RTN4RL2: variants seen among roughly 807,000 people sequenced by gnomAD.
RTN4RL2 encodes reticulon 4 receptor like 2.
A neutral mutation model predicts 27.8 loss-of-function variants in RTN4RL2; 9 were observed. The ratio of observed to expected loss-of-function variants is 0.32; its 90% confidence interval spans 0.20 to 0.57. RTN4RL2 has a LOEUF of 0.57. Among genes scored for constraint, RTN4RL2 ranks in the 20% least tolerant of loss-of-function variants. The pLI is 0.90. For missense variants in RTN4RL2, 436 were observed against 596.8 expected, an observed-to-expected ratio of 0.73 and a Z score of 2.81; for synonymous variants, 285 against 297.9, an observed-to-expected ratio of 0.96 and a Z score of 0.45.
intron 2 of RTN4RL2, among the ~76,000 whole-genome samples, chr11:57,471,118 C>T (rs1054394253): frequency 6.6e-6 from 1 of 152,008 alleles, no homozygotes; most frequent in African/African-American, 2.4e-5. Context: ...TGTCTGTAAT[C>T]CCAGCCACTA....
At position 57,467,914 on chromosome 11, in the gene RTN4RL2, C is replaced by A. The variant is rs1449791051; in HGVS notation, c.337C>A (p.Leu113Ile). 1.2e-6 allele frequency: 2 copies of A among 1,613,984 alleles called. No homozygotes were observed. Among genetic ancestry groups the A allele is most frequent in the Non-Finnish European group, 1.7e-6 (2 of 1,179,948 alleles). Residue 113 changes from leucine to isoleucine, a missense_variant, in exon 2 of 3, where the codon CTC (leucine) becomes ATC (isoleucine). This residue lies in a region of RTN4RL2 where 365 missense variants were observed against 530.5 expected (regional missense o/e 0.69). Transcript: ENST00000335099. This position sits in a 1 kb window ranked among gnomAD's most constrained non-coding sequence, Gnocchi z 5.5. ...CTTGCAAGCCCTGGAGGAGCTGGAC[C>A]TCGGTGACAACCGGCACCTGCGCTC... is the stretch of plus-strand genomic sequence containing the variant. ...RHLQALEELD[L>I]GDNRHLRSLE...
intron 2 of RTN4RL2, among the ~76,000 whole-genome samples, chr11:57,471,097 G>T (rs542010907): frequency 1.3e-5 from 2 of 152,008 alleles, no homozygotes; most frequent in Non-Finnish European, 2.9e-5. Flanking sequence ...TTAGGCAGGC[G>T]GGGTGGCAGG....
At chr11:57,466,603 AC>A (rs1278958579) in intron 1 of RTN4RL2, among the ~76,000 whole-genome samples, 9 of 152,084 alleles carry the variant, frequency 5.9e-5, no homozygotes, top group Admixed American at 4.6e-4. Context: ...TCACTTAGAG[AC>A]CCGACCCTTA....
chr11:57,466,287 G>A (rs2135117765), intron 1 of RTN4RL2, among the ~76,000 whole-genome samples: 1 of 152,098 alleles, frequency 6.6e-6, no homozygotes, highest in Non-Finnish European at 1.5e-5. Flanking sequence ...TTACAGGCGT[G>A]AGCCACCGCG....
chr11:57,471,525 G>T (rs1398726257), intron 2 of RTN4RL2, among the ~76,000 whole-genome samples: 4 of 152,254 alleles, frequency 2.6e-5, no homozygotes, highest in African/African-American at 9.6e-5. Context: ...GAACTGCCTG[G>T]TAGGGCTGGG....
chr11:57,468,158 C>T, intron 2 of RTN4RL2, 68 bp downstream of exon 2: 1 of 1,508,630 alleles, frequency 6.6e-7, no homozygotes, highest in South Asian at 1.3e-5. Context: ...CCTCTGCTCC[C>T]CGACCCTGGC....
chr11:57,470,460 T>C (rs528046719), intron 2 of RTN4RL2, among the ~76,000 whole-genome samples: 2 of 152,274 alleles, frequency 1.3e-5, no homozygotes, highest in Middle Eastern at 3.4e-3. Flanking sequence ...TTGGCCAGGC[T>C]GGTCTTGAAC....
chr11:57,460,787 C>G lies in RTN4RL2; in HGVS notation c.-79C>G. 1 of 804,072 alleles carries G rather than the reference C, an allele frequency of 1.2e-6. No individual in the cohort carries two copies. The highest frequency in any genetic ancestry group is 3.4e-5 in the East Asian group (1 of 29,520). 49.8% of individuals were successfully genotyped at this position (804,072 alleles called of 1,614,324 possible). The stretch of plus-strand genomic sequence containing the variant: ...CCCTCCCGGAGCCCCGCGGGGTCCC[C>G]GCCGTGCATCCGGCGGGCTCAGGGA... On this transcript the variant is annotated 5_prime_UTR_variant, in exon 1 of 3. Transcript: ENST00000335099.
rs1324812278 is a variant in RTN4RL2, at chr11:57,467,873, C to G, written c.296C>G (p.Pro99Arg). Residue 99 changes from proline to arginine, a missense_variant, in exon 2 of 3, where the codon CCG (proline) becomes CGG (arginine). Physicochemically the swap from Pro to Arg is moderately radical, Grantham distance 103. Around this residue, in one of 3 missense-constraint regions of RTN4RL2, gnomAD observed 365 missense variants for 530.5 expected, o/e 0.69. Coordinates refer to ENST00000335099, the MANE Select transcript of RTN4RL2 (RefSeq NM_178570.3). The surrounding 1 kb of genome is among the most constrained non-coding windows in gnomAD (Gnocchi z 5.5). ...LFSNNLSTIY[P>R]GTFRHLQALE... ...TCCAACAACCTCTCCACCATCTACC[C>G]GGGCACTTTCCGCCACTTGCAAGCC... 1.9e-6 allele frequency: 3 copies of G among 1,614,142 alleles called. No homozygotes were observed. Among genetic ancestry groups the G allele is most frequent in the Middle Eastern group, 1.6e-4 (1 of 6,062 alleles).
Position 57,467,552 on chromosome 11 carries a change from A to G in RTN4RL2, c.32-57A>G. On this transcript the variant is annotated intron_variant, in intron 1 of 2. Coordinates refer to ENST00000335099, the MANE Select transcript of RTN4RL2 (RefSeq NM_178570.3). The surrounding 1 kb of genome is among the most constrained non-coding windows in gnomAD (Gnocchi z 5.5). ...TTACCAAGTTGGGGGGCTGGCCCCCAGCTGGCACTCCTGCCCTGGAAGCCC... is the reference window on the plus strand; with the variant it reads ...TTACCAAGTTGGGGGGCTGGCCCCCGGCTGGCACTCCTGCCCTGGAAGCCC... 1 of 1,545,100 alleles carries G rather than the reference A, an allele frequency of 6.5e-7. No homozygotes were observed. Among genetic ancestry groups the G allele is most frequent in the Non-Finnish European group, 8.7e-7 (1 of 1,147,750 alleles).
At chr11:57,468,205 C>T in intron 2 of RTN4RL2, 115 bp downstream of exon 2, 1 of 1,071,950 alleles carries the variant, frequency 9.3e-7, no homozygotes. Flanking sequence ...ACCCTTCCTG[C>T]CTCAGCATCT....
chr11:57,464,418 C>T (rs1054045937), intron 1 of RTN4RL2, among the ~76,000 whole-genome samples: 1 of 152,208 alleles, frequency 6.6e-6, no homozygotes, highest in Non-Finnish European at 1.5e-5. Context: ...CCTCCAGGGG[C>T]TAGCGGCCAT....
chr11:57,464,091 C>A (rs904126621), intron 1 of RTN4RL2, among the ~76,000 whole-genome samples: 1 of 152,216 alleles, frequency 6.6e-6, no homozygotes, highest in Admixed American at 6.5e-5. Context: ...AGCACGGGGT[C>A]GCTCTTCAGA....
chr11:57,460,811 G>A lies in RTN4RL2; in HGVS notation c.-55G>A. The A allele has an allele frequency of 3.5e-6, 4 of 1,148,950 alleles. No individual in the cohort carries two copies. The highest frequency in any genetic ancestry group is 3.6e-6 in the Non-Finnish European group (3 of 839,060). 71.2% of individuals were successfully genotyped at this position (1,148,950 alleles called of 1,614,324 possible). A position where few individuals can be genotyped will look rare whatever the true frequency, so the allele number is the denominator to read the frequency against. ...CCGCCGTGCATCCGGCGGGCTCAGG[G>A]AGCGAGTGGGAGCGCCCTCCCCCCG... is the stretch of plus-strand genomic sequence containing the variant. On this transcript the variant is annotated 5_prime_UTR_variant, in exon 1 of 3. Coordinates refer to ENST00000335099, the MANE Select transcript of RTN4RL2 (RefSeq NM_178570.3).
intron 1 of RTN4RL2, among the ~76,000 whole-genome samples, chr11:57,461,780 G>A (rs889855732): frequency 3.3e-5 from 5 of 151,974 alleles, no homozygotes; most frequent in African/African-American, 1.2e-4. Flanking sequence ...GGATGGGGAT[G>A]GTGACTAGAG....
At chr11:57,475,670 G>T (rs934788011) in intron 2 of RTN4RL2, among the ~76,000 whole-genome samples, 1 of 152,146 alleles carries the variant, frequency 6.6e-6, no homozygotes, top group African/African-American at 2.4e-5. Flanking sequence ...TGAGGAAACT[G>T]AGTCACAGAT....
intron 1 of RTN4RL2, among the ~76,000 whole-genome samples, chr11:57,463,684 C>T (rs575252180): frequency 4.0e-5 from 6 of 151,816 alleles, no homozygotes; most frequent in South Asian, 2.1e-4. Context: ...CCGTGGTCCT[C>T]GGGAGAGACA....
In RTN4RL2 at chr11:57,467,608, G is replaced by A; in HGVS notation, c.32-1G>A. The A allele has an allele frequency of 6.2e-7, 1 of 1,601,886 alleles. No homozygotes were observed. ...GTAAGTTCTGCTTCCCCTCCCCACAGCTCCCGCCTCGGCCTGCCTCCTGCT... is the reference window on the plus strand; with the variant it reads ...GTAAGTTCTGCTTCCCCTCCCCACAACTCCCGCCTCGGCCTGCCTCCTGCT... On this transcript the variant is annotated splice_acceptor_variant, in intron 1 of 2. Transcript: ENST00000335099. LOFTEE classifies it high-confidence loss of function. The surrounding 1 kb of genome is among the most constrained non-coding windows in gnomAD (Gnocchi z 5.5).
chr11:57,460,606 C>A lies in RTN4RL2; in HGVS notation c.-260C>A, dbSNP rs1242426067. 1 of 182,414 alleles carries A rather than the reference C, an allele frequency of 5.5e-6. No individual in the cohort carries two copies. The highest frequency in any genetic ancestry group is 1.1e-5 in the Non-Finnish European group (1 of 88,502). 11.3% of individuals were successfully genotyped at this position (182,414 alleles called of 1,614,324 possible). On this transcript the variant is annotated 5_prime_UTR_variant, in exon 1 of 3. Coordinates refer to ENST00000335099, the MANE Select transcript of RTN4RL2 (RefSeq NM_178570.3). ...CGAGCGGACAGCGCAGCTAGCGGGG[C>A]GCGGGCGCTGGGCGTCGACGGCCAG...
Sources: gnomAD v4.1 joint callset for allele counts (sites outside exome capture counted in the v4.1 genomes callset) on GRCh38, gnomAD v4.1.1 for gene constraint, gnomAD v4.1.1 regional missense constraint, Gnocchi (gnomAD v3.1) non-coding constraint, MANE v1.5 for transcripts, NCBI Gene and HGNC (gene_info 2026-07-23, HGNC 2026-07-21) for gene names.